The following JAKMIP1 variants were observed in gnomAD, a reference collection of about 807,000 sequenced individuals.
JAKMIP1 encodes janus kinase and microtubule-interacting protein 1.
JAKMIP1 carries 33 observed loss-of-function variants against 113.0 expected under a neutral mutation model. The ratio of observed to expected loss-of-function variants is 0.29; its 90% CI spans 0.22 to 0.39. The LOEUF is 0.39. Ranked by LOEUF, JAKMIP1 falls within the 10% of genes least tolerant of loss-of-function variation. The probability of loss-of-function intolerance (pLI) is 1.00; values close to 1 mark genes in which losing one functional copy is unlikely to be tolerated. For synonymous variants in JAKMIP1, 480 were observed against 459.9 expected (o/e 1.04, Z -0.56); for missense variants, 813 against 1,080.5 (o/e 0.75, Z 3.47).
intron 1 of JAKMIP1, among the ~76,000 whole-genome samples, chr4:6,177,212 T>C (rs528850747): frequency 7.2e-5 from 11 of 152,216 alleles, no homozygotes; most frequent in African/African-American, 2.6e-4. Context: ...CAAATATTGA[T>C]GTAGAGAAGA....
chr4:6,112,515 T>C (rs73198064), intron 2 of JAKMIP1, among the ~76,000 whole-genome samples: 13,161 of 152,278 alleles, frequency 0.086, 752 homozygotes, highest in Non-Finnish European at 0.13. Context: ...CAGTGGCTTT[T>C]TGAAGGTCAC....
chr4:6,027,744 G>A (rs998935015), intron 20 of JAKMIP1, among the ~76,000 whole-genome samples: 1 of 152,226 alleles, frequency 6.6e-6, no homozygotes, highest in African/African-American at 2.4e-5. Context: ...CCAGAAAGAC[G>A]ATTCCAACAT....
Position 6,106,400 on chromosome 4 carries a change from G to C in JAKMIP1, c.130-433C>G, listed in dbSNP as rs1365246975. Among the ~76,000 whole-genome samples, 1 of 152,194 alleles carries C rather than the reference G, an allele frequency of 6.6e-6. No individual in the cohort carries two copies. Among genetic ancestry groups the C allele is most frequent in the East Asian group, 1.9e-4 (1 of 5,200 alleles). On this transcript the variant is annotated intron_variant, in intron 2 of 20. Coordinates refer to ENST00000409021, the MANE Select transcript of JAKMIP1 (RefSeq NM_001099433.2). The surrounding 1 kb of genome is among the most constrained non-coding windows in gnomAD (Gnocchi z 5.9). The stretch of plus-strand genomic sequence containing the variant: ...AGACCAGGCTTCTAAGTCCTGGGGG[G>C]CAGTGAGCAGGGGGCACCATTCTTG...
intron 8 of JAKMIP1, among the ~76,000 whole-genome samples, chr4:6,078,418 T>G (rs1321490544): frequency 2.6e-5 from 4 of 151,064 alleles, no homozygotes; most frequent in Non-Finnish European, 5.9e-5. Context: ...TTTTTTTTTT[T>G]GGTATCAGCT....
At chr4:6,036,664 C>T (rs1483855793) in intron 18 of JAKMIP1, among the ~76,000 whole-genome samples, 2 of 152,222 alleles carry the variant, frequency 1.3e-5, no homozygotes, top group African/African-American at 2.4e-5. Flanking sequence ...TAGTGACCAA[C>T]TGGGGATCCT....
At chr4:6,068,204 G>A (rs973499620) in intron 8 of JAKMIP1, among the ~76,000 whole-genome samples, 1 of 152,198 alleles carries the variant, frequency 6.6e-6, no homozygotes, top group African/African-American at 2.4e-5. Flanking sequence ...GCTAGTTAAG[G>A]ACTCAACTCC....
intron 3 of JAKMIP1, among the ~76,000 whole-genome samples, chr4:6,091,365 C>T (rs577257182): frequency 6.6e-6 from 1 of 152,160 alleles, no homozygotes; most frequent in South Asian, 2.1e-4. Flanking sequence ...AGTATTTTTT[C>T]CCCCATTTTA....
chr4:6,074,780 A>G (rs1719468812), intron 8 of JAKMIP1, among the ~76,000 whole-genome samples: 1 of 152,230 alleles, frequency 6.6e-6, no homozygotes, highest in Admixed American at 6.5e-5. Flanking sequence ...GTCCCATAAG[A>G]TCATAACACT....
At chr4:6,034,052 T>G (rs1713082009) in intron 19 of JAKMIP1, among the ~76,000 whole-genome samples, 1 of 141,916 alleles carries the variant, frequency 7.0e-6, no homozygotes, top group African/African-American at 3.0e-5. Flanking sequence ...GTTTGAAGAC[T>G]TAATCAGGTA....
intron 20 of JAKMIP1, among the ~76,000 whole-genome samples, chr4:6,028,286 C>T (rs545457753): frequency 1.2e-4 from 19 of 152,320 alleles, no homozygotes; most frequent in South Asian, 4.1e-4. Flanking sequence ...ATCTGGCAGA[C>T]GGGGACTCTA....
chr4:6,190,496 C>T (rs1310639047), intron 1 of JAKMIP1, among the ~76,000 whole-genome samples: 2 of 152,198 alleles, frequency 1.3e-5, no homozygotes, highest in Non-Finnish European at 2.9e-5. Flanking sequence ...GAACCCGCCA[C>T]TGCCATTTCC....
At chr4:6,170,772 ATC>A (rs1390743563) in intron 1 of JAKMIP1, among the ~76,000 whole-genome samples, 2 of 68,646 alleles carry the variant, frequency 2.9e-5, no homozygotes, top group Non-Finnish European at 7.2e-5. Flanking sequence ...CCCCATCACC[ATC>A]CCACCCTCAC....
chr4:6,062,935 G>C (rs1456352606), intron 9 of JAKMIP1, among the ~76,000 whole-genome samples: 1 of 152,186 alleles, frequency 6.6e-6, no homozygotes, highest in Non-Finnish European at 1.5e-5. Flanking sequence ...CTGAGGTCAG[G>C]AGTTTGAGAC....
chr4:6,078,823 G>C, intron 8 of JAKMIP1, 116 bp downstream of exon 8: 1 of 883,382 alleles, frequency 1.1e-6, no homozygotes, highest in Non-Finnish European at 1.9e-6. Context: ...GGCATGCAGA[G>C]ATGTGTGTGT....
chr4:6,033,951 G>A (rs891933707), intron 19 of JAKMIP1, among the ~76,000 whole-genome samples: 3 of 152,122 alleles, frequency 2.0e-5, no homozygotes, highest in Non-Finnish European at 4.4e-5. Flanking sequence ...GACTCAGGAT[G>A]GGCCTGGCCT....
intron 3 of JAKMIP1, among the ~76,000 whole-genome samples, chr4:6,098,341 G>A (rs1712196100): frequency 6.6e-6 from 1 of 152,070 alleles, no homozygotes; most frequent in Non-Finnish European, 1.5e-5. Flanking sequence ...GCTGAGGCAG[G>A]AGAATTGCTT....
rs752415896 is a variant in JAKMIP1, at chr4:6,154,033, G to C, written c.-147-41036C>G. Among the ~76,000 whole-genome samples, 3 of 152,206 alleles carry C rather than the reference G, an allele frequency of 2.0e-5. No homozygotes were observed. The highest frequency in any genetic ancestry group is 4.4e-5 in the Non-Finnish European group (3 of 68,042). ...TTACTAAATACTGGCTGCTGAACCA[G>C]AGTGAGAGTTCAAGGCCATCTCTGC... On this transcript the variant is annotated intron_variant, in intron 1 of 20. Coordinates refer to ENST00000409021, the MANE Select transcript of JAKMIP1 (RefSeq NM_001099433.2). This position sits in a 1 kb window ranked among gnomAD's most constrained non-coding sequence, Gnocchi z 4.2.
chr4:6,038,266 A>G (rs57971033), intron 18 of JAKMIP1, among the ~76,000 whole-genome samples: 1 of 89,890 alleles, frequency 1.1e-5, no homozygotes, highest in Non-Finnish European at 2.2e-5. Context: ...TAGCCCTCCA[A>G]CACCGAGGCA....
intron 13 of JAKMIP1, among the ~76,000 whole-genome samples, chr4:6,052,425 T>A (rs1303412014): frequency 1.3e-5 from 2 of 151,984 alleles, no homozygotes; most frequent in Non-Finnish European, 2.9e-5. Context: ...GGCAGGTGGA[T>A]CCCTTGAGGT....
Sources: allele counts gnomAD v4.1 joint callset (sites outside exome capture counted in the v4.1 genomes callset), GRCh38; gene constraint gnomAD v4.1.1; non-coding constraint Gnocchi (gnomAD v3.1); transcripts MANE v1.5; gene names NCBI Gene and HGNC (gene_info 2026-07-23, HGNC 2026-07-21).